Variants in TENT5C observed in about 807,000 individuals in gnomAD.
The protein encoded by TENT5C is terminal nucleotidyltransferase 5C.
A neutral mutation model predicts 22.2 loss-of-function variants in TENT5C; 5 were observed. The observed-to-expected ratio is 0.22, with a 90% CI of 0.12 to 0.47. TENT5C has a LOEUF of 0.47. Ranked by LOEUF, TENT5C falls within the 20% of genes least tolerant of loss-of-function variation. The pLI, the probability that TENT5C is intolerant of heterozygous loss-of-function variation, is 0.99. For synonymous variants in TENT5C, 199 were observed against 195.4 expected (o/e 1.02, Z -0.15); for missense variants, 364 against 500.9 (o/e 0.73, Z 2.61).
At chr1:117,607,145 G>A (rs1653559675) in intron 1 of TENT5C, among the ~76,000 whole-genome samples, 1 of 152,130 alleles carries the variant, frequency 6.6e-6, no homozygotes, top group Non-Finnish European at 1.5e-5. Flanking sequence ...AACGCTGGCG[G>A]GCGAGAAAAC....
rs1283119414 is a variant in TENT5C, at chr1:117,626,642, C to A, written c.*2598C>A. The A allele has an allele frequency of 4.0e-6, 1 of 248,080 alleles. No homozygotes were observed. The highest frequency in any genetic ancestry group is 8.5e-6 in the Non-Finnish European group (1 of 118,102). 15.4% of individuals were successfully genotyped at this position (248,080 alleles called of 1,614,324 possible). ...GCTGAAACCTGCCTTTCCTAATGCT[C>A]ACACAAGCACCAGGTACCCTGAGCT... On this transcript the variant is annotated 3_prime_UTR_variant, in exon 2 of 2. Transcript: ENST00000369448.
intron 1 of TENT5C, among the ~76,000 whole-genome samples, chr1:117,609,496 T>C (rs986392475): frequency 2.6e-5 from 4 of 152,012 alleles, no homozygotes; most frequent in Admixed American, 2.6e-4. Flanking sequence ...GTCACAAAAC[T>C]GCATGGAGTG....
intron 1 of TENT5C, among the ~76,000 whole-genome samples, chr1:117,620,766 GTGCCCTTCTTATGAGACTCTAA>G: frequency 6.6e-6 from 1 of 152,126 alleles, no homozygotes; most frequent in East Asian, 1.9e-4. Flanking sequence ...GATCTAGGTT[GTGCCCTTCTTATGAGACTCTAA>G]TGCCTGATGA....
chr1:117,627,669 C>A lies in TENT5C; in HGVS notation c.*3625C>A. 4.0e-6 allele frequency: 1 copy of A among 248,050 alleles called. No individual in the cohort carries two copies. Among genetic ancestry groups the A allele is most frequent in the East Asian group, 6.0e-5 (1 of 16,582 alleles). 15.4% of individuals were successfully genotyped at this position (248,050 alleles called of 1,614,324 possible). A position where few individuals can be genotyped will look rare whatever the true frequency, so the allele number is the denominator to read the frequency against. The stretch of plus-strand genomic sequence containing the variant: ...GGTTAGATTCACATCCTTAATCTTG[C>A]AGAGACTAGAATTTCACAGCTCGCT... On this transcript the variant is annotated 3_prime_UTR_variant, in exon 2 of 2. Coordinates refer to ENST00000369448, the MANE Select transcript of TENT5C (RefSeq NM_017709.4).
intron 1 of TENT5C, among the ~76,000 whole-genome samples, chr1:117,612,476 A>G (rs929653851): frequency 1.3e-5 from 2 of 152,172 alleles, no homozygotes; most frequent in Non-Finnish European, 2.9e-5. Flanking sequence ...AGTTTTATCA[A>G]CAATTAAAAT....
At chr1:117,610,114 C>T (rs1653633055) in intron 1 of TENT5C, among the ~76,000 whole-genome samples, 1 of 152,124 alleles carries the variant, frequency 6.6e-6, no homozygotes, top group South Asian at 2.1e-4. Flanking sequence ...GATTCTTTCT[C>T]TTTTTTATTG....
intron 1 of TENT5C, among the ~76,000 whole-genome samples, chr1:117,608,287 G>A (rs1322489876): frequency 2.0e-5 from 3 of 152,170 alleles, no homozygotes; most frequent in African/African-American, 7.2e-5. Context: ...GTCAGAGTGA[G>A]CATGACTTAG....
rs138577443 is a variant in TENT5C, at chr1:117,614,623, T to A, written c.-27-8219T>A. On this transcript the variant is annotated intron_variant, in intron 1 of 1. Transcript: ENST00000369448. ...ATTGGCTTCTTTGATCTGAGAAGGT[T>A]GCCGTCTCGACTGTAGCTAGTGTCC... Among the ~76,000 whole-genome samples, 3 of 152,320 alleles carry A rather than the reference T, an allele frequency of 2.0e-5. No individual in the cohort carries two copies. In the East Asian group the frequency reaches 5.8e-4, roughly 29 times the overall value.
chr1:117,612,976 A>G (rs1412850495), intron 1 of TENT5C, among the ~76,000 whole-genome samples: 1 of 152,212 alleles, frequency 6.6e-6, no homozygotes, highest in Non-Finnish European at 1.5e-5. Flanking sequence ...GTCAGCTCTT[A>G]AACCCTGTGG....
chr1:117,610,246 T>A (rs543659205), intron 1 of TENT5C, among the ~76,000 whole-genome samples: 36 of 152,062 alleles, frequency 2.4e-4, no homozygotes, highest in Admixed American at 9.8e-4. Context: ...TGGAACTCCA[T>A]CCAAGCGCAC....
chr1:117,617,444 A>G (rs1219285398), intron 1 of TENT5C, among the ~76,000 whole-genome samples: 1 of 151,912 alleles, frequency 6.6e-6, no homozygotes, highest in Admixed American at 6.6e-5. Context: ...ATAATAGAAG[A>G]AAAGGGAGTA....
At position 117,627,035 on chromosome 1, in the gene TENT5C, A is replaced by T; in HGVS notation, c.*2991A>T. ...CCTCATTCAATAATTTCAATGCTGAAACTGAACTCTATTACTAATGCCTTC... is the reference window on the plus strand; with the variant it reads ...CCTCATTCAATAATTTCAATGCTGATACTGAACTCTATTACTAATGCCTTC... On this transcript the variant is annotated 3_prime_UTR_variant, in exon 2 of 2. Coordinates refer to ENST00000369448, the MANE Select transcript of TENT5C (RefSeq NM_017709.4). The T allele has an allele frequency of 4.0e-6, 1 of 248,192 alleles. No individual in the cohort carries two copies. Among genetic ancestry groups the T allele is most frequent in the East Asian group, 6.0e-5 (1 of 16,598 alleles). The allele number at this position is 248,192 out of a possible 1,614,324, so 15.4% of individuals were successfully genotyped here.
intron 1 of TENT5C, among the ~76,000 whole-genome samples, chr1:117,618,323 A>G (rs1399805045): frequency 1.3e-5 from 2 of 151,084 alleles, no homozygotes; most frequent in Non-Finnish European, 3.0e-5. Flanking sequence ...TGTGAAACTG[A>G]AAAAAAAAAT....
At chr1:117,606,179 A>T (rs541250717) in intron 1 of TENT5C, 26 bp downstream of exon 1, 1 of 152,022 alleles carries the variant, frequency 6.6e-6, no homozygotes, top group South Asian at 2.1e-4. Flanking sequence ...CCCTCCTCTA[A>T]AGGTGCGGCG....
chr1:117,613,716 T>G (rs991958891), intron 1 of TENT5C, among the ~76,000 whole-genome samples: 1 of 152,176 alleles, frequency 6.6e-6, no homozygotes, highest in African/African-American at 2.4e-5. Flanking sequence ...GTAAACATCA[T>G]TGGTAAATGG....
chr1:117,619,742 A>C (rs1219356100), intron 1 of TENT5C, among the ~76,000 whole-genome samples: 3 of 151,632 alleles, frequency 2.0e-5, no homozygotes, highest in Admixed American at 2.0e-4. Context: ...TTTCTTTTTG[A>C]TAATTTAGAT....
Position 117,627,161 on chromosome 1 carries a change from T to C in TENT5C, c.*3117T>C, listed in dbSNP as rs1392381058. On this transcript the variant is annotated 3_prime_UTR_variant, in exon 2 of 2. Coordinates refer to ENST00000369448, the MANE Select transcript of TENT5C (RefSeq NM_017709.4). The stretch of plus-strand genomic sequence containing the variant: ...AAGGAAGATGATGCTTAGTTCCTGA[T>C]AGATGCTACAGATGTAGTTTGGCAT... 2 of 248,086 alleles carry C rather than the reference T, an allele frequency of 8.1e-6. No individual in the cohort carries two copies. Among genetic ancestry groups the C allele is most frequent in the Non-Finnish European group, 1.7e-5 (2 of 118,136 alleles). 15.4% of individuals were successfully genotyped at this position (248,086 alleles called of 1,614,324 possible). A position where few individuals can be genotyped will look rare whatever the true frequency, so the allele number is the denominator to read the frequency against.
In TENT5C at chr1:117,627,449, G is replaced by A. The variant is rs142121714; in HGVS notation, c.*3405G>A. On this transcript the variant is annotated 3_prime_UTR_variant, in exon 2 of 2. Coordinates refer to ENST00000369448, the MANE Select transcript of TENT5C (RefSeq NM_017709.4). ...ATAACTCCTTTGTAGTTTACTTTCT[G>A]GTACTGGTTGGTGCCTTGTATTGGG... 6.9e-5 allele frequency: 17 copies of A among 248,118 alleles called. No homozygotes were observed. In the Middle Eastern group the frequency reaches 3.8e-3, roughly 56 times the overall value. The allele number at this position is 248,118 out of a possible 1,614,324, so 15.4% of individuals were successfully genotyped here. A position where few individuals can be genotyped will look rare whatever the true frequency, so the allele number is the denominator to read the frequency against.
Position 117,625,626 on chromosome 1 carries a change from T to G in TENT5C, c.*1582T>G. On this transcript the variant is annotated 3_prime_UTR_variant, in exon 2 of 2. Coordinates refer to ENST00000369448, the MANE Select transcript of TENT5C (RefSeq NM_017709.4). Reference sequence around the variant, plus strand: ...ATGCTCCTGATCTTTTTTTTCCCCCTTCCTTTGGCTATGAAAACCCAAAGC... The same window carrying G: ...ATGCTCCTGATCTTTTTTTTCCCCCGTCCTTTGGCTATGAAAACCCAAAGC... 4.0e-6 allele frequency: 1 copy of G among 248,116 alleles called. No individual in the cohort carries two copies. Among genetic ancestry groups the G allele is most frequent in the Non-Finnish European group, 8.5e-6 (1 of 118,098 alleles). 15.4% of individuals were successfully genotyped at this position (248,116 alleles called of 1,614,324 possible).
Sources: allele counts gnomAD v4.1 joint callset (sites outside exome capture counted in the v4.1 genomes callset), GRCh38; gene constraint gnomAD v4.1.1; transcripts MANE v1.5; gene names NCBI Gene and HGNC (gene_info 2026-07-23, HGNC 2026-07-21).